CHUK: variants seen among roughly 807,000 people sequenced by gnomAD.
CHUK encodes the protein inhibitor of nuclear factor kappa-B kinase subunit alpha.
A neutral mutation model predicts 104.8 loss-of-function variants in CHUK; 35 were observed. That is an observed-to-expected ratio of 0.33 (90% CI 0.26 to 0.44). The LOEUF (loss-of-function observed/expected upper bound fraction) is 0.44. Among genes scored for constraint, CHUK ranks in the 20% least tolerant of loss-of-function variants. The probability of loss-of-function intolerance (pLI) is 1.00; values close to 1 mark genes in which losing one functional copy is unlikely to be tolerated. For missense variants in CHUK, 663 were observed against 902.7 expected (o/e 0.73, Z 3.40); for synonymous variants, 276 against 291.9 (o/e 0.95, Z 0.56).
intron 8 of CHUK, 66 bp from the exon 9 acceptor site, chr10:100,218,196 G>A: frequency 7.1e-7 from 1 of 1,405,132 alleles, no homozygotes; most frequent in Non-Finnish European, 1.0e-6. Context: ...TATACTGTTA[G>A]AAAGGTAATT....
At chr10:100,210,093 T>TTATTTATTTTTA (rs1491110452) in intron 9 of CHUK, among the ~76,000 whole-genome samples, 3 of 103,514 alleles carry the variant, frequency 2.9e-5, no homozygotes, top group Non-Finnish European at 4.7e-5. Context: ...ATTTATTTAT[T>TTATTTATTTTTA]TTTTTTTTTT....
chr10:100,217,902 G>C, intron 9 of CHUK, 93 bp downstream of exon 9: 1 of 1,247,308 alleles, frequency 8.0e-7, no homozygotes, highest in South Asian at 1.2e-5. Flanking sequence ...ATAAGCAACA[G>C]GAAAAGATTA....
chr10:100,207,403 T>G, intron 10 of CHUK, 71 bp from the exon 11 acceptor site: 1 of 768,922 alleles, frequency 1.3e-6, no homozygotes. Flanking sequence ...TAAATACTTA[T>G]GCACCAGATT....
chr10:100,186,346 T>C (rs1470296881), downstream of CHUK: 1 of 290,470 alleles, frequency 3.4e-6, no homozygotes, highest in Admixed American at 5.2e-5. Flanking sequence ...TTATTTGTCC[T>C]TTTGCAGTGT....
At chr10:100,218,868 C>A (rs766016787) in intron 7 of CHUK, 43 bp from the exon 8 acceptor site, 31 of 1,551,368 alleles carry the variant, frequency 2.0e-5, no homozygotes, top group Non-Finnish European at 2.7e-5. Context: ...GTGATTCTCA[C>A]AAATTAAGAT....
chr10:100,196,066 G>C (rs1275655793), intron 16 of CHUK: 2 of 152,148 alleles, frequency 1.3e-5, no homozygotes, highest in African/African-American at 4.8e-5. Context: ...AGCCTCCAAA[G>C]TGGCTGGGAT....
intron 13 of CHUK, among the ~76,000 whole-genome samples, chr10:100,202,913 T>C (rs12261129): frequency 0.049 from 7,407 of 152,028 alleles, 604 homozygotes; most frequent in African/African-American, 0.17. Context: ...TGCACCACCA[T>C]GCCCGGCTAA....
At chr10:100,190,015 T>C in intron 20 of CHUK, 1 of 159,152 alleles carries the variant, frequency 6.3e-6, no homozygotes, top group South Asian at 1.6e-4. Flanking sequence ...CTGGCCACCA[T>C]TATCCTTTTT....
At chr10:100,228,976 AGCGCGCGCGC>A (rs150099726) in intron 1 of CHUK, among the ~76,000 whole-genome samples, 1 of 134,980 alleles carries the variant, frequency 7.4e-6, no homozygotes, top group African/African-American at 2.8e-5. Flanking sequence ...ATGGCCTCCA[AGCGCGCGCGC>A]GCGCGCGCAC....
intron 10 of CHUK, 71 bp from the exon 11 acceptor site, chr10:100,207,403 T>C (rs1348487452): frequency 2.0e-5 from 15 of 768,804 alleles, no homozygotes; most frequent in Middle Eastern, 2.3e-4. Flanking sequence ...TAAATACTTA[T>C]GCACCAGATT....
In CHUK at chr10:100,194,530, G is replaced by A; in HGVS notation, c.1730-9C>T. 1 of 1,580,708 alleles carries A rather than the reference G, an allele frequency of 6.3e-7. No homozygotes were observed. The highest frequency in any genetic ancestry group is 1.1e-5 in the South Asian group (1 of 90,082). On this transcript the variant is annotated splice_polypyrimidine_tract_variant and intron_variant, in intron 16 of 20. Coordinates refer to ENST00000370397, the MANE Select transcript of CHUK (RefSeq NM_001278.5). ...GTCACTGTAGGAGTGATCTATAAAA[G>A]ACATCAGTCAGTGGATATAACCTTT...
chr10:100,196,390 T>G (rs1296989504), intron 16 of CHUK, among the ~76,000 whole-genome samples: 14 of 151,060 alleles, frequency 9.3e-5, no homozygotes, highest in South Asian at 2.1e-4. Context: ...TCTGGGTTTT[T>G]TTTTTTTTTT....
chr10:100,209,461 A>G, intron 10 of CHUK, 134 bp downstream of exon 10: 1 of 673,292 alleles, frequency 1.5e-6, no homozygotes, highest in Non-Finnish European at 2.7e-6. Flanking sequence ...AGCAATGATA[A>G]GAGTTGGGAG....
At chr10:100,198,998 C>CA (rs1327564254) in intron 16 of CHUK, among the ~76,000 whole-genome samples, 16 of 152,288 alleles carry the variant, frequency 1.1e-4, no homozygotes, top group African/African-American at 3.8e-4. Context: ...ACAATATACT[C>CA]ACTGAGTAGG....
intron 13 of CHUK, among the ~76,000 whole-genome samples, chr10:100,203,441 T>C (rs1750139940): frequency 6.6e-6 from 1 of 151,458 alleles, no homozygotes; most frequent in African/African-American, 2.4e-5. Flanking sequence ...CAATAATATA[T>C]AAATAGAAAT....
At chr10:100,223,306 AC>A (rs1589598782) in intron 2 of CHUK, among the ~76,000 whole-genome samples, 2 of 152,218 alleles carry the variant, frequency 1.3e-5, no homozygotes, top group Non-Finnish European at 2.9e-5. Flanking sequence ...AAATTGAAGC[AC>A]AAATTGGCTA....
In CHUK at chr10:100,229,538, G is replaced by A. The variant is rs777982010; in HGVS notation, c.-6C>T. The A allele has an allele frequency of 4.0e-5, 61 of 1,524,762 alleles. No individual in the cohort carries two copies. The African/African-American group carries it at 4.7e-4, about 12-fold the overall frequency. 94.5% of individuals were successfully genotyped at this position (1,524,762 alleles called of 1,614,324 possible). A position where few individuals can be genotyped will look rare whatever the true frequency, so the allele number is the denominator to read the frequency against. Reference sequence around the variant, plus strand: ...AGCCCCGGGGGCCGCTCCATGGGGCGGGAGGGCAAGCGGCCTCAGGTTCCA... The same window carrying A: ...AGCCCCGGGGGCCGCTCCATGGGGCAGGAGGGCAAGCGGCCTCAGGTTCCA... On this transcript the variant is annotated 5_prime_UTR_variant, in exon 1 of 21. Coordinates refer to ENST00000370397, the MANE Select transcript of CHUK (RefSeq NM_001278.5).
rs754580270 is a variant in CHUK at position 100,209,570 on chromosome 10, G to A, written c.1128+25C>T. On this transcript the variant is annotated intron_variant, in intron 10 of 20. Coordinates refer to ENST00000370397, the MANE Select transcript of CHUK (RefSeq NM_001278.5). ...ATCCCTCTAGATTTCACATACTCTAGGGATATTATAATTAATTTTCTTACA... is the reference window on the plus strand; with the variant it reads ...ATCCCTCTAGATTTCACATACTCTAAGGATATTATAATTAATTTTCTTACA... The A allele has an allele frequency of 2.8e-6, 4 of 1,404,908 alleles. No homozygotes were observed. In the East Asian group the frequency reaches 9.1e-5, roughly 32 times the overall value. The allele number at this position is 1,404,908 out of a possible 1,614,324, so 87.0% of individuals were successfully genotyped here.
intron 9 of CHUK, among the ~76,000 whole-genome samples, chr10:100,213,646 C>T (rs1211142475): frequency 6.6e-6 from 1 of 152,100 alleles, no homozygotes; most frequent in Non-Finnish European, 1.5e-5. Flanking sequence ...CTCAGCCTCC[C>T]GTGTAGCTGG....
Sources: gnomAD v4.1 joint callset for allele counts (sites outside exome capture counted in the v4.1 genomes callset) on GRCh38, gnomAD v4.1.1 for gene constraint, MANE v1.5 for transcripts, NCBI Gene and HGNC (gene_info 2026-07-23, HGNC 2026-07-21) for gene names.